PPP2R2B: variants seen among roughly 807,000 people sequenced by gnomAD.
PPP2R2B encodes the protein protein phosphatase 2 regulatory subunit Bbeta, also known as serine/threonine-protein phosphatase 2A 55 kDa regulatory subunit B beta isoform.
Under a neutral mutation model 46.0 loss-of-function variants are expected in PPP2R2B, and 5 were observed. The observed-to-expected ratio is 0.11, with a 90% CI of 0.06 to 0.23. The LOEUF (loss-of-function observed/expected upper bound fraction) is 0.23, where lower values mean the gene tolerates loss of function less well. PPP2R2B is among the 10% of genes least tolerant of loss of function. PPP2R2B has a pLI of 1.00. For missense variants in PPP2R2B, 367 were observed against 575.0 expected (o/e 0.64, Z 3.70); for synonymous variants, 215 against 206.7 (o/e 1.04, Z -0.34).
intron 2 of PPP2R2B, among the ~76,000 whole-genome samples, chr5:146,740,049 T>A (rs1006643235): frequency 2.0e-5 from 3 of 152,192 alleles, no homozygotes; most frequent in Non-Finnish European, 4.4e-5. Flanking sequence ...CAAAGGAACC[T>A]AAGACCTCAC....
intron 1 of PPP2R2B, among the ~76,000 whole-genome samples, chr5:146,956,133 G>A (rs1412686249): frequency 7.9e-5 from 12 of 152,086 alleles, no homozygotes; most frequent in Admixed American, 6.5e-4. Flanking sequence ...TATCAACAAA[G>A]TCATTAGAAA....
At chr5:146,745,666 T>C (rs1753144388) in intron 2 of PPP2R2B, among the ~76,000 whole-genome samples, 1 of 152,120 alleles carries the variant, frequency 6.6e-6, no homozygotes, top group Non-Finnish European at 1.5e-5. Flanking sequence ...TTTAAAATGA[T>C]AAATTGTCGG....
chr5:146,691,146 G>A lies in PPP2R2B; in HGVS notation c.429C>T (p.Ala143=). The A allele has an allele frequency of 4.3e-6, 7 of 1,614,062 alleles. No individual in the cohort carries two copies. Among genetic ancestry groups the A allele is most frequent in the Non-Finnish European group, 5.1e-6 (6 of 1,180,000 alleles). Residue 143 remains alanine, a synonymous_variant, in exon 5 of 10, where the codon GCC becomes GCT. Coordinates refer to ENST00000394411, the MANE Select transcript of PPP2R2B (RefSeq NM_181675.4). ...KDEEGRLRDP[A]TITTLRVPVL... is the part of the protein sequence containing the mutation. ...CACTCACCCGCAGGGTTGTGATGGT[G>A]GCAGGATCCCGGAGCCGGCCCTCCT...
intron 2 of PPP2R2B, among the ~76,000 whole-genome samples, chr5:146,754,532 G>T (rs572859370): frequency 2.0e-5 from 3 of 152,302 alleles, no homozygotes; most frequent in South Asian, 4.1e-4. Flanking sequence ...TTTCCCTTAT[G>T]AGATGCAGCT....
Position 146,736,330 on chromosome 5 carries a change from CA to C in PPP2R2B, c.71-35189del, listed in dbSNP as rs560843732. On this transcript the variant is annotated intron_variant, in intron 2 of 9. Coordinates refer to ENST00000394411, the MANE Select transcript of PPP2R2B (RefSeq NM_181675.4). ...TTAGCAGCGTGAGAACAGACTAATA[CA>C]GTGACAATAACTAACAACTGAGCGT... 3.7e-4 allele frequency among the ~76,000 whole-genome samples: 56 copies of C among 152,290 alleles called. 2 individuals carry two copies. The South Asian group carries it at 0.011, about 30-fold the overall frequency.
At chr5:146,873,811 C>T (rs2151414352) in intron 2 of PPP2R2B, among the ~76,000 whole-genome samples, 1 of 152,278 alleles carries the variant, frequency 6.6e-6, no homozygotes, top group Middle Eastern at 3.4e-3. Context: ...TATCATATGT[C>T]TATCCATTTA....
chr5:146,838,753 C>G (rs1339020311), intron 2 of PPP2R2B, among the ~76,000 whole-genome samples: 1 of 152,110 alleles, frequency 6.6e-6, no homozygotes, highest in Non-Finnish European at 1.5e-5. Context: ...ATTTGTCCAT[C>G]AAATCTTAAA....
At chr5:146,912,225 T>G (rs541772834) in intron 1 of PPP2R2B, among the ~76,000 whole-genome samples, 3 of 109,296 alleles carry the variant, frequency 2.7e-5, no homozygotes, top group South Asian at 3.0e-4. Flanking sequence ...GGTGATAGAG[T>G]GAGGCTCCGT....
chr5:146,935,336 C>A (rs1320559873), intron 1 of PPP2R2B, among the ~76,000 whole-genome samples: 1 of 152,182 alleles, frequency 6.6e-6, no homozygotes, highest in African/African-American at 2.4e-5. Context: ...CACCAGACTC[C>A]AAGTTTACCA....
At chr5:146,906,504 T>C (rs1211262508) in intron 1 of PPP2R2B, among the ~76,000 whole-genome samples, 1 of 152,154 alleles carries the variant, frequency 6.6e-6, no homozygotes, top group East Asian at 1.9e-4. Context: ...GCATTTTTAG[T>C]AGAGACGGGG....
intron 1 of PPP2R2B, among the ~76,000 whole-genome samples, chr5:146,992,360 T>C (rs554477747): frequency 6.6e-6 from 1 of 152,358 alleles, no homozygotes; most frequent in Non-Finnish European, 1.5e-5. Context: ...TAGTTCTCTT[T>C]CAGCACTTGA....
At chr5:146,959,048 A>G (rs954738130) in intron 1 of PPP2R2B, among the ~76,000 whole-genome samples, 3 of 152,198 alleles carry the variant, frequency 2.0e-5, no homozygotes, top group Admixed American at 6.5e-5. Context: ...ATCTAACCAA[A>G]GCCAATATTT....
At chr5:146,960,117 C>G (rs1752102227) in intron 1 of PPP2R2B, among the ~76,000 whole-genome samples, 1 of 152,094 alleles carries the variant, frequency 6.6e-6, no homozygotes, top group Non-Finnish European at 1.5e-5. Context: ...GAGTAGAGGT[C>G]ATCTACCTCC....
intron 2 of PPP2R2B, among the ~76,000 whole-genome samples, chr5:146,764,099 G>C (rs1433155271): frequency 6.6e-6 from 1 of 152,032 alleles, no homozygotes; most frequent in African/African-American, 2.4e-5. Context: ...CACACAGAGA[G>C]GGGCAACCAG....
intron 1 of PPP2R2B, among the ~76,000 whole-genome samples, chr5:146,981,776 T>C (rs1466889244): frequency 6.6e-6 from 1 of 152,218 alleles, no homozygotes; most frequent in Non-Finnish European, 1.5e-5. Context: ...TGGCAACTAC[T>C]AATCTGTTCT....
At chr5:146,845,223 A>G (rs1312410706) in intron 2 of PPP2R2B, among the ~76,000 whole-genome samples, 1 of 152,048 alleles carries the variant, frequency 6.6e-6, no homozygotes, top group Non-Finnish European at 1.5e-5. Context: ...ATCTAAAGCC[A>G]TCTCATCATT....
At chr5:146,609,798 G>T (rs1238417671) in intron 7 of PPP2R2B, among the ~76,000 whole-genome samples, 1 of 132,104 alleles carries the variant, frequency 7.6e-6, no homozygotes, top group Non-Finnish European at 1.6e-5. Flanking sequence ...CTTAAGAAAC[G>T]GCGCACCACG....
At chr5:147,031,970 C>G (rs958554284) in intron 1 of PPP2R2B, among the ~76,000 whole-genome samples, 2 of 152,152 alleles carry the variant, frequency 1.3e-5, no homozygotes, top group African/African-American at 2.4e-5. Flanking sequence ...AAAGAACCCT[C>G]TAGACATTGG....
chr5:146,854,432 A>G (rs1408655009), intron 2 of PPP2R2B, among the ~76,000 whole-genome samples: 1 of 152,122 alleles, frequency 6.6e-6, no homozygotes. Context: ...GGGACATTTC[A>G]AATTCTCTCT....
Sources: allele counts gnomAD v4.1 joint callset (sites outside exome capture counted in the v4.1 genomes callset), GRCh38; gene constraint gnomAD v4.1.1; transcripts MANE v1.5; gene names NCBI Gene and HGNC (gene_info 2026-07-23, HGNC 2026-07-21).